Variants in DCLRE1A observed in about 807,000 individuals in gnomAD.
DCLRE1A encodes DNA cross-link repair 1A protein.
In DCLRE1A, 64 loss-of-function variants were observed where a neutral mutation model predicts 91.9. The observed-to-expected ratio is 0.70, with a 90% CI of 0.57 to 0.86. The LOEUF is 0.86. Among genes scored for constraint, DCLRE1A ranks in the 40% least tolerant of loss-of-function variants. The pLI, the probability that DCLRE1A is intolerant of heterozygous loss-of-function variation, is 0.00. For missense variants in DCLRE1A, 1,145 were observed against 1,213.3 expected, an observed-to-expected ratio of 0.94 and a Z score of 0.84; for synonymous variants, 416 against 431.1, an observed-to-expected ratio of 0.96 and a Z score of 0.43.
At position 113,853,001 on chromosome 10, in the gene DCLRE1A, T is replaced by G; in HGVS notation, c.182A>C (p.Lys61Thr). The G allele has an allele frequency of 6.2e-7, 1 of 1,614,180 alleles. No individual in the cohort carries two copies. The highest frequency in any genetic ancestry group is 8.5e-7 in the Non-Finnish European group (1 of 1,180,036). Residue 61 changes from lysine to threonine, a missense_variant, in exon 1 of 9, where the codon AAG becomes ACG. Lys to Thr is a moderately conservative substitution (Grantham distance 78, BLOSUM62 -1). Coordinates refer to ENST00000361384, the MANE Select transcript of DCLRE1A (RefSeq NM_014881.5). ...ATTTCCAAGGGGCACTTCATGGTCC[T>G]TCACCTCTTTAGCTTCTGCGGCTCT... Reference protein sequence around the residue: ...RKRAAEAKEVKDHEVPLGNAG... With the variant: ...RKRAAEAKEVTDHEVPLGNAG...
At chr10:113,847,356 C>A (rs370175161) in intron 2 of DCLRE1A, 21 bp from the exon 3 acceptor site, 1 of 1,612,428 alleles carries the variant, frequency 6.2e-7, no homozygotes, top group Non-Finnish European at 8.5e-7. Flanking sequence ...AATACCGACA[C>A]AGTAGGTTGA....
At chr10:113,846,044 G>A (rs1845532836) in intron 3 of DCLRE1A, among the ~76,000 whole-genome samples, 1 of 152,106 alleles carries the variant, frequency 6.6e-6, no homozygotes, top group Non-Finnish European at 1.5e-5. Context: ...ACAAAAGCCT[G>A]AGTGATCTGG....
At chr10:113,835,672 C>T (rs975660495) in intron 8 of DCLRE1A, among the ~76,000 whole-genome samples, 8 of 152,108 alleles carry the variant, frequency 5.3e-5, no homozygotes, top group South Asian at 4.1e-4. Context: ...TGGTGGCTCA[C>T]GCCTGTAATC....
chr10:113,846,458 A>G (rs1303558722), intron 3 of DCLRE1A, among the ~76,000 whole-genome samples: 1 of 152,098 alleles, frequency 6.6e-6, no homozygotes, highest in Non-Finnish European at 1.5e-5. Flanking sequence ...ACTGTGTCTA[A>G]CCTTAGCCCA....
Position 113,849,517 on chromosome 10 carries a change from G to T in DCLRE1A, c.1588C>A (p.Pro530Thr). The T allele has an allele frequency of 1.2e-6, 2 of 1,613,802 alleles. No individual in the cohort carries two copies. Among genetic ancestry groups the T allele is most frequent in the Non-Finnish European group, 1.7e-6 (2 of 1,179,994 alleles). ...ILNTENLSST[P>T]APKYLKILPS... is the part of the protein sequence containing the mutation. ...AATATTTTCAAATACTTCGGAGCAG[G>T]TGTACTAGACAAGTTTTCTGTATTT... Residue 530 changes from proline to threonine, a missense_variant, in exon 2 of 9, where the codon CCT (proline) becomes ACT (threonine). Pro to Thr is a conservative substitution (Grantham distance 38, BLOSUM62 -1). Coordinates refer to ENST00000361384, the MANE Select transcript of DCLRE1A (RefSeq NM_014881.5).
chr10:113,834,918 G>A lies in DCLRE1A; in HGVS notation c.*234C>T. 1 of 387,928 alleles carries A rather than the reference G, an allele frequency of 2.6e-6. No homozygotes were observed. The highest frequency in any genetic ancestry group is 5.3e-5 in the South Asian group (1 of 18,692). 24.0% of individuals were successfully genotyped at this position (387,928 alleles called of 1,614,324 possible). The stretch of plus-strand genomic sequence containing the variant: ...TGCAGAATATAACTGCCCATGGAGG[G>A]CAGGGGACAAGAAATTAAGGGTCCC... On this transcript the variant is annotated 3_prime_UTR_variant, in exon 9 of 9. Transcript: ENST00000361384.
Position 113,850,446 on chromosome 10 carries a change from G to T in DCLRE1A, c.659C>A (p.Thr220Asn). The T allele has an allele frequency of 6.2e-7, 1 of 1,614,198 alleles. No homozygotes were observed. Among genetic ancestry groups the T allele is most frequent in the Non-Finnish European group, 8.5e-7 (1 of 1,180,016 alleles). ...GGGATCATTTGAAACCGAGTTATCA[G>T]TTTGGTTCTGATACGAAGACCATCT... Reference protein sequence around the residue: ...EERWSSYQNQTDNSVSNDPLL... With the variant: ...EERWSSYQNQNDNSVSNDPLL... Residue 220 changes from threonine to asparagine, a missense_variant, in exon 2 of 9, where the codon ACT (threonine) becomes AAT (asparagine). Transcript: ENST00000361384.
Position 113,850,511 on chromosome 10 carries a change from G to A in DCLRE1A, c.594C>T (p.Phe198=), listed in dbSNP as rs1398036830. The change falls in exon 2 of 9, where the codon TTC becomes TTT. Residue 198 remains phenylalanine (F), a synonymous_variant. Coordinates refer to ENST00000361384, the MANE Select transcript of DCLRE1A (RefSeq NM_014881.5). The stretch of plus-strand genomic sequence containing the variant: ...AAAGGACGCCTGACTTAGTCTCACT[G>A]AAACTGCCACCTGACGCAGGTGATG... ...SSPSPASGGS[F]SETKSGVLCS... 1 of 1,614,080 alleles carries A rather than the reference G, an allele frequency of 6.2e-7. No homozygotes were observed. The highest frequency in any genetic ancestry group is 8.5e-7 in the Non-Finnish European group (1 of 1,179,976).
rs1297127261 is a variant in DCLRE1A at position 113,835,215 on chromosome 10, G to A, written c.3060C>T (p.Thr1020=). 1 of 1,614,034 alleles carries A rather than the reference G, an allele frequency of 6.2e-7. No individual in the cohort carries two copies. The highest frequency in any genetic ancestry group is 8.5e-7 in the Non-Finnish European group (1 of 1,179,986). Residue 1020 remains threonine (T), a synonymous_variant, in exon 9 of 9, where the codon ACC becomes ACT. Transcript: ENST00000361384. ...QKIIPTVNVG[T]WKSRSTMEKY... is the part of the protein sequence containing the mutation. The stretch of plus-strand genomic sequence containing the variant: ...TCTCCATTGTGCTCCTAGATTTCCA[G>A]GTGCCCACATTTACAGTAGGTATGA...
At chr10:113,847,569 A>T (rs1034979986) in intron 2 of DCLRE1A, among the ~76,000 whole-genome samples, 3 of 16,040 alleles carry the variant, frequency 1.9e-4, no homozygotes, top group African/African-American at 2.8e-4. Context: ...TGCACCAAAA[A>T]AAATTTTTTT....
chr10:113,853,031 C>G lies in DCLRE1A; in HGVS notation c.152G>C (p.Arg51Thr), dbSNP rs755278178. 1 of 1,613,864 alleles carries G rather than the reference C, an allele frequency of 6.2e-7. No individual in the cohort carries two copies. The highest frequency in any genetic ancestry group is 8.5e-7 in the Non-Finnish European group (1 of 1,179,974). ...CTCTTTAGCTTCTGCGGCTCTTTTT[C>G]TGTTTCTACTCCGTTTTGACTGGTA... is the stretch of plus-strand genomic sequence containing the variant. Reference protein sequence around the residue: ...GKYQSKRSRNRKRAAEAKEVK... With the variant: ...GKYQSKRSRNTKRAAEAKEVK... The change falls in exon 1 of 9, where the codon AGA becomes ACA. Residue 51 changes from arginine to threonine, a missense_variant. Transcript: ENST00000361384.
At position 113,850,591 on chromosome 10, in the gene DCLRE1A, A is replaced by G. The variant is rs998566802; in HGVS notation, c.514T>C (p.Tyr172His). The change falls in exon 2 of 9, where the codon TAC (tyrosine) becomes CAC (histidine). Residue 172 changes from tyrosine to histidine, a missense_variant. By Grantham distance (83) the Tyr-to-His change is moderately conservative. Transcript: ENST00000361384. ...CTTTGAGCTAGCAGGAAGTGAGTGT[A>G]TCTCTTGTAATGAAAAGGAATGGTT... ...TSTIPFHYKR[Y>H]THFLLAQSRA... is the part of the protein sequence containing the mutation. 6.2e-7 allele frequency: 1 copy of G among 1,613,938 alleles called. No homozygotes were observed. Among genetic ancestry groups the G allele is most frequent in the Non-Finnish European group, 8.5e-7 (1 of 1,179,892 alleles).
chr10:113,839,324 CAAAAAA>C (rs35405311), intron 7 of DCLRE1A, among the ~76,000 whole-genome samples: 4 of 61,240 alleles, frequency 6.5e-5, no homozygotes, highest in Non-Finnish European at 8.2e-5. Flanking sequence ...GACCCTGTCT[CAAAAAA>C]AAAAAAAAAA....
Position 113,852,935 on chromosome 10 carries a change from C to G in DCLRE1A, c.248G>C (p.Ser83Thr). ...GGTCTGCTGAATACCATCTCCACAA[C>G]TTGAATTCTGACTAGAAGCAACAGA... ...QTSVASSQNS[S>T]CGDGIQQTQD... is the part of the protein sequence containing the mutation. Residue 83 changes from serine to threonine, a missense_variant, in exon 1 of 9, where the codon AGT becomes ACT. Physicochemically the swap from Ser to Thr is moderately conservative, Grantham distance 58. Coordinates refer to ENST00000361384, the MANE Select transcript of DCLRE1A (RefSeq NM_014881.5). 6.2e-7 allele frequency: 1 copy of G among 1,614,162 alleles called. No individual in the cohort carries two copies. Among genetic ancestry groups the G allele is most frequent in the South Asian group, 1.1e-5 (1 of 91,084 alleles).
At position 113,847,208 on chromosome 10, in the gene DCLRE1A, A is replaced by G; in HGVS notation, c.2253T>C (p.Cys751=). The G allele has an allele frequency of 2.5e-6, 4 of 1,605,866 alleles. No homozygotes were observed. The highest frequency in any genetic ancestry group is 3.3e-4 in the Middle Eastern group (2 of 6,032). Residue 751 remains cysteine, a synonymous_variant, in exon 3 of 9, where the codon TGT becomes TGC. Transcript: ENST00000361384. ...LSKHFTFPVY[C]SEITGNLLKN... ...TTAGAATACTAAAACTTACCTCACT[A>G]CAATAAACTGGAAATGTGAAGTGTT...
At chr10:113,838,094 CA>C (rs1461478164) in intron 7 of DCLRE1A, among the ~76,000 whole-genome samples, 1 of 151,878 alleles carries the variant, frequency 6.6e-6, no homozygotes. Flanking sequence ...AAATACCTAC[CA>C]TAAGACAACC....
At chr10:113,841,599 AGCTTGTG>A (rs1389169085) in intron 6 of DCLRE1A, 39 bp from the exon 7 acceptor site, 1 of 1,549,450 alleles carries the variant, frequency 6.5e-7, no homozygotes, top group Middle Eastern at 1.7e-4. Context: ...GTAAACTTAC[AGCTTGTG>A]AAAAAAAGTT....
At position 113,847,248 on chromosome 10, in the gene DCLRE1A, T is replaced by C. The variant is rs1845554083; in HGVS notation, c.2213A>G (p.Tyr738Cys). Residue 738 changes from tyrosine to cysteine, a missense_variant, in exon 3 of 9, where the codon TAT (tyrosine) becomes TGT (cysteine). Transcript: ENST00000361384. The stretch of plus-strand genomic sequence containing the variant: ...TGTGAAGTGTTTAGACAATCCAGCA[T>C]AATGATCAGAATGAAAATGTGTGAG... ...YFLTHFHSDH[Y>C]AGLSKHFTFP... 3.1e-6 allele frequency: 5 copies of C among 1,613,934 alleles called. No homozygotes were observed. Among genetic ancestry groups the C allele is most frequent in the Non-Finnish European group, 3.4e-6 (4 of 1,179,870 alleles).
chr10:113,850,258 G>A lies in DCLRE1A; in HGVS notation c.847C>T (p.His283Tyr). ...TTTTCTGGCAATGGCAAATTTATGTGTTCTGAGTTGTTTGCAAGACGCAAA... is the reference window on the plus strand; with the variant it reads ...TTTTCTGGCAATGGCAAATTTATGTATTCTGAGTTGTTTGCAAGACGCAAA... ...VALRLANNSEHINLPLPENDF... is the reference protein window; with the variant it reads ...VALRLANNSEYINLPLPENDF... The change falls in exon 2 of 9, where the codon CAC becomes TAC. Residue 283 changes from histidine (H) to tyrosine (Y), a missense_variant. By Grantham distance (83) the His-to-Tyr change is moderately conservative (BLOSUM62 2). Coordinates refer to ENST00000361384, the MANE Select transcript of DCLRE1A (RefSeq NM_014881.5). The A allele has an allele frequency of 1.2e-6, 2 of 1,614,098 alleles. No individual in the cohort carries two copies. The highest frequency in any genetic ancestry group is 1.3e-5 in the African/African-American group (1 of 75,028).
Sources: gnomAD v4.1 joint callset for allele counts (sites outside exome capture counted in the v4.1 genomes callset) on GRCh38, gnomAD v4.1.1 for gene constraint, MANE v1.5 for transcripts, NCBI Gene and HGNC (gene_info 2026-07-23, HGNC 2026-07-21) for gene names.